The following TSPAN8 variants were observed in gnomAD, a reference collection of about 807,000 sequenced individuals.
The protein encoded by TSPAN8 is tetraspanin 8, also known as tetraspanin-8.
Under a neutral mutation model 32.8 loss-of-function variants are expected in TSPAN8, and 21 were observed. The observed-to-expected ratio is 0.64, with a 90% CI of 0.45 to 0.92. TSPAN8 has a LOEUF of 0.92. TSPAN8 is among the 40% of genes least tolerant of loss of function. TSPAN8 has a pLI of 0.00. For missense variants in TSPAN8, 269 were observed against 281.9 expected, an observed-to-expected ratio of 0.95 and a Z score of 0.33; for synonymous variants, 95 against 94.6, an observed-to-expected ratio of 1.00 and a Z score of -0.03.
chr12:71,154,403 A>G (rs747049158), intron 2 of TSPAN8, among the ~76,000 whole-genome samples: 5 of 151,254 alleles, frequency 3.3e-5, no homozygotes, highest in Admixed American at 6.6e-5. Context: ...GTGGCATGGT[A>G]CAGACCTCTA....
At chr12:71,134,991 T>C (rs921974236) in intron 6 of TSPAN8, among the ~76,000 whole-genome samples, 4 of 152,018 alleles carry the variant, frequency 2.6e-5, no homozygotes, top group Admixed American at 6.6e-5. Flanking sequence ...TGAGCAAGAA[T>C]CCGAAAGGGG....
Position 71,139,847 on chromosome 12 carries a change from ATCTG to A in TSPAN8, c.124-3_124del. ...AGAGCCTACATCTTCAGAACCAAAA[ATCTG>A]AAGTAAAAAAGAGATTAATGGCAGA... On this transcript the variant is annotated splice_acceptor_variant and splice_polypyrimidine_tract_variant and coding_sequence_variant and intron_variant, in exon 4 of 9. Coordinates refer to ENST00000247829, the MANE Select transcript of TSPAN8 (RefSeq NM_004616.3). LOFTEE classifies it high-confidence loss of function. 1 of 1,601,750 alleles carries A rather than the reference ATCTG, an allele frequency of 6.2e-7. No homozygotes were observed. Among genetic ancestry groups the A allele is most frequent in the Non-Finnish European group, 8.5e-7 (1 of 1,175,616 alleles).
chr12:71,156,250 CA>C (rs763217771), intron 2 of TSPAN8, among the ~76,000 whole-genome samples: 63 of 24,370 alleles, frequency 2.6e-3, no homozygotes, highest in East Asian at 3.1e-3. Context: ...CAAAGTTCTC[CA>C]AAAAAAAAAA....
intron 4 of TSPAN8, 74 bp from the exon 5 acceptor site, chr12:71,138,304 C>A: frequency 7.6e-7 from 1 of 1,313,644 alleles, no homozygotes; most frequent in Non-Finnish European, 1.1e-6. Flanking sequence ...TGGCACAGCA[C>A]TTCTCTCTAC....
intron 3 of TSPAN8, among the ~76,000 whole-genome samples, chr12:71,141,047 G>A (rs1871887487): frequency 6.6e-6 from 1 of 152,214 alleles, no homozygotes; most frequent in Admixed American, 6.5e-5. Context: ...AGGAAGGAAT[G>A]TGCTGAAGTT....
intron 3 of TSPAN8, among the ~76,000 whole-genome samples, chr12:71,143,923 CT>C (rs761360314): frequency 7.9e-5 from 12 of 152,064 alleles, no homozygotes; most frequent in Non-Finnish European, 1.3e-4. Context: ...TGAATAACAC[CT>C]CCTCCATTCT....
chr12:71,157,725 T>G lies in TSPAN8; in HGVS notation c.-47A>C, dbSNP rs757116447. On this transcript the variant is annotated 5_prime_UTR_variant, in exon 2 of 9. Transcript: ENST00000247829. ...CAGATGCCGTGAATTTAACTATTCG[T>G]TACAGGCTTGTCCTGCAATATGCTC... The G allele has an allele frequency of 6.6e-5, 98 of 1,486,600 alleles. No homozygotes were observed. The highest frequency in any genetic ancestry group is 2.5e-5 in the Non-Finnish European group (27 of 1,064,312). The allele number at this position is 1,486,600 out of a possible 1,614,324, so 92.1% of individuals were successfully genotyped here.
At chr12:71,140,874 C>CT (rs1452407621) in intron 3 of TSPAN8, among the ~76,000 whole-genome samples, 1 of 152,200 alleles carries the variant, frequency 6.6e-6, no homozygotes, top group Non-Finnish European at 1.5e-5. Flanking sequence ...AGTTCCTAGA[C>CT]TAACTCGAAA....
At chr12:71,154,727 A>C (rs1872370763) in intron 2 of TSPAN8, among the ~76,000 whole-genome samples, 1 of 152,246 alleles carries the variant, frequency 6.6e-6, no homozygotes, top group South Asian at 2.1e-4. Flanking sequence ...TAAATGTGCC[A>C]TATATATTCT....
intron 2 of TSPAN8, among the ~76,000 whole-genome samples, chr12:71,148,174 C>A (rs1872135327): frequency 1.3e-5 from 2 of 152,098 alleles, no homozygotes; most frequent in African/African-American, 4.8e-5. Context: ...GCCATTTAAC[C>A]ATGATTTTCC....
intron 2 of TSPAN8, among the ~76,000 whole-genome samples, chr12:71,148,663 T>C (rs1351429175): frequency 4.0e-4 from 61 of 152,248 alleles, no homozygotes; most frequent in Non-Finnish European, 2.9e-5. Context: ...CTGTTGTCTG[T>C]ATCTATTATC....
chr12:71,131,357 C>CT (rs1463157768), intron 7 of TSPAN8, among the ~76,000 whole-genome samples: 1 of 152,048 alleles, frequency 6.6e-6, no homozygotes, highest in African/African-American at 2.4e-5. Context: ...TAGCGACATA[C>CT]TTTAAGTATT....
At position 71,157,632 on chromosome 12, in the gene TSPAN8, T is replaced by G. The variant is rs2137065425; in HGVS notation, c.47A>C (p.Asn16Thr). 6.2e-7 allele frequency: 1 copy of G among 1,612,892 alleles called. No homozygotes were observed. Among genetic ancestry groups the G allele is most frequent in the South Asian group, 1.1e-5 (1 of 91,056 alleles). Reference protein sequence around the residue: ...ACIKYSMFTFNFLFWLCGILI... With the variant: ...ACIKYSMFTFTFLFWLCGILI... ...GAAAACACTTACCCAGAACAAGAAG[T>G]TGAAGGTAAACATAGAATATTTTAT... Residue 16 changes from asparagine (N) to threonine (T), a missense_variant, in exon 2 of 9, where the codon AAC becomes ACC. Asn to Thr is a moderately conservative substitution (Grantham distance 65, BLOSUM62 0). Transcript: ENST00000247829.
Position 71,129,561 on chromosome 12 carries a change from C to A in TSPAN8, c.577-147G>T, listed in dbSNP as rs539141366. ...GGAACTGGGTTATTCCTTCCACTCCCTGCTTCACCTTTGCTCCAAAAGGTT... is the reference window on the plus strand; with the variant it reads ...GGAACTGGGTTATTCCTTCCACTCCATGCTTCACCTTTGCTCCAAAAGGTT... On this transcript the variant is annotated intron_variant, in intron 7 of 8. Transcript: ENST00000247829. 22 of 897,310 alleles carry A rather than the reference C, an allele frequency of 2.5e-5. No homozygotes were observed. In the African/African-American group the frequency reaches 3.3e-4, roughly 13 times the overall value. The allele number at this position is 897,310 out of a possible 1,614,324, so 55.6% of individuals were successfully genotyped here. A position where few individuals can be genotyped will look rare whatever the true frequency, so the allele number is the denominator to read the frequency against.
chr12:71,156,853 A>G (rs947767896), intron 2 of TSPAN8: 2 of 152,216 alleles, frequency 1.3e-5, no homozygotes, highest in African/African-American at 4.8e-5. Context: ...TATATGCTAA[A>G]AATGATAAGG....
At chr12:71,138,347 C>A in intron 4 of TSPAN8, 117 bp from the exon 5 acceptor site, 1 of 980,522 alleles carries the variant, frequency 1.0e-6, no homozygotes, top group Non-Finnish European at 1.5e-6. Flanking sequence ...GAGTGTCAGT[C>A]ACACTCTTCA....
chr12:71,157,335 A>G (rs1480744283), intron 2 of TSPAN8: 1 of 329,450 alleles, frequency 3.0e-6, no homozygotes, highest in Non-Finnish European at 5.6e-6. Context: ...ATTGTCCTTT[A>G]ATTAAGGGGC....
At chr12:71,135,744 G>T (rs1165502692) in intron 6 of TSPAN8, among the ~76,000 whole-genome samples, 1 of 152,132 alleles carries the variant, frequency 6.6e-6, no homozygotes, top group Non-Finnish European at 1.5e-5. Context: ...TGCAGCAGAT[G>T]TTACTAGGAC....
At position 71,144,657 on chromosome 12, in the gene TSPAN8, C is replaced by T. The variant is rs12309840; in HGVS notation, c.61-444G>A. On this transcript the variant is annotated intron_variant, in intron 2 of 8. Coordinates refer to ENST00000247829, the MANE Select transcript of TSPAN8 (RefSeq NM_004616.3). ...GAATAGTCACCATTCATTTAAGATTCGACAGGAAGGGAGATGTTGGGATAG... is the reference window on the plus strand; with the variant it reads ...GAATAGTCACCATTCATTTAAGATTTGACAGGAAGGGAGATGTTGGGATAG... Among the ~76,000 whole-genome samples, 43 of 152,062 alleles carry T rather than the reference C, an allele frequency of 2.8e-4. 2 individuals carry two copies. In the South Asian group the frequency reaches 7.9e-3, roughly 28 times the overall value.
Sources: gnomAD v4.1 joint callset for allele counts (sites outside exome capture counted in the v4.1 genomes callset) on GRCh38, gnomAD v4.1.1 for gene constraint, MANE v1.5 for transcripts, NCBI Gene and HGNC (gene_info 2026-07-23, HGNC 2026-07-21) for gene names.